DENND1A: variants seen among roughly 807,000 people sequenced by gnomAD.
DENND1A encodes DENN domain containing 1A.
Under a neutral mutation model 113.7 loss-of-function variants are expected in DENND1A, and 51 were observed. The ratio of observed to expected loss-of-function variants is 0.45; its 90% CI spans 0.36 to 0.57. The LOEUF is 0.57. Among genes scored for constraint, DENND1A ranks in the 20% least tolerant of loss-of-function variants. The probability of loss-of-function intolerance (pLI) is 0.00; values close to 1 mark genes in which losing one functional copy is unlikely to be tolerated. For missense variants in DENND1A, 1,258 were observed against 1,395.9 expected (o/e 0.90, Z 1.57); for synonymous variants, 565 against 570.8 (o/e 0.99, Z 0.14).
intron 13 of DENND1A, among the ~76,000 whole-genome samples, chr9:123,512,425 G>A (rs1176642107): frequency 6.6e-6 from 1 of 152,206 alleles, no homozygotes; most frequent in Admixed American, 6.5e-5. Flanking sequence ...AAGCTCCGAG[G>A]CCTCTATAGA....
chr9:123,697,880 G>C (rs751220665), intron 5 of DENND1A, among the ~76,000 whole-genome samples: 1 of 152,120 alleles, frequency 6.6e-6, no homozygotes, highest in Non-Finnish European at 1.5e-5. Context: ...AAAGTGAAAA[G>C]ACATTCTAAA....
intron 13 of DENND1A, among the ~76,000 whole-genome samples, chr9:123,458,152 C>T (rs1324390266): frequency 2.0e-5 from 3 of 151,982 alleles, no homozygotes; most frequent in Non-Finnish European, 4.4e-5. Context: ...AGCTGCCCCC[C>T]ACCACAAGTG....
chr9:123,548,761 T>C (rs2056864311), intron 13 of DENND1A, among the ~76,000 whole-genome samples: 1 of 152,360 alleles, frequency 6.6e-6, no homozygotes, highest in South Asian at 2.1e-4. Flanking sequence ...TGATGCATGC[T>C]ATAACACGGA....
chr9:123,569,077 A>C (rs2058216050), intron 12 of DENND1A, among the ~76,000 whole-genome samples: 1 of 152,244 alleles, frequency 6.6e-6, no homozygotes, highest in African/African-American at 2.4e-5. Context: ...CAAACGAACG[A>C]AAAAGTAGCC....
chr9:123,866,616 TTTTGG>T (rs1346227804), intron 2 of DENND1A, among the ~76,000 whole-genome samples: 28 of 152,224 alleles, frequency 1.8e-4, no homozygotes, highest in Non-Finnish European at 1.8e-4. Context: ...TGTTGTTTGA[TTTTGG>T]TTTGGAGTTT....
intron 2 of DENND1A, among the ~76,000 whole-genome samples, chr9:123,796,577 G>A (rs1833792150): frequency 6.6e-6 from 1 of 151,952 alleles, no homozygotes; most frequent in Admixed American, 6.6e-5. Flanking sequence ...AAGACTTACT[G>A]GAAAGGTGCT....
At chr9:123,429,534 G>T (rs960058716) in intron 19 of DENND1A, among the ~76,000 whole-genome samples, 6 of 152,206 alleles carry the variant, frequency 3.9e-5, no homozygotes, top group African/African-American at 1.4e-4. Flanking sequence ...CAGCCTGGGT[G>T]ACACAGCAAG....
At chr9:123,546,249 G>A (rs1052423964) in intron 13 of DENND1A, among the ~76,000 whole-genome samples, 2 of 151,988 alleles carry the variant, frequency 1.3e-5, no homozygotes, top group Admixed American at 6.6e-5. Flanking sequence ...CAGCTGATAC[G>A]TTTTAAAACT....
At chr9:123,896,541 C>T (rs1850791110) in intron 1 of DENND1A, among the ~76,000 whole-genome samples, 1 of 151,972 alleles carries the variant, frequency 6.6e-6, no homozygotes, top group Non-Finnish European at 1.5e-5. Flanking sequence ...AAATAAGAAC[C>T]TCAGAAATAA....
At chr9:123,917,128 G>A (rs1189791725) in intron 1 of DENND1A, among the ~76,000 whole-genome samples, 1 of 152,032 alleles carries the variant, frequency 6.6e-6, no homozygotes, top group Admixed American at 6.6e-5. Flanking sequence ...AAATTGCAGT[G>A]AGCCGAAATC....
chr9:123,773,286 T>C (rs1161623489), intron 3 of DENND1A, among the ~76,000 whole-genome samples: 1 of 152,134 alleles, frequency 6.6e-6, no homozygotes, highest in Non-Finnish European at 1.5e-5. Context: ...AACCAAAATA[T>C]GAAATTAACA....
chr9:123,481,200 T>C (rs2050307416), intron 13 of DENND1A, among the ~76,000 whole-genome samples: 1 of 152,158 alleles, frequency 6.6e-6, no homozygotes. Context: ...GAAAGTGAGG[T>C]GATTAGAATC....
chr9:123,391,152 G>A (rs914200896), intron 21 of DENND1A, among the ~76,000 whole-genome samples: 3 of 152,246 alleles, frequency 2.0e-5, no homozygotes, highest in African/African-American at 7.2e-5. Context: ...GGGAACCGCA[G>A]TTTCCAGTTC....
intron 2 of DENND1A, among the ~76,000 whole-genome samples, chr9:123,802,720 GAC>G (rs1222778614): frequency 8.2e-6 from 1 of 121,764 alleles, no homozygotes; most frequent in Non-Finnish European, 1.7e-5. Context: ...TTTTTTTTTT[GAC>G]ACAGAGTTTC....
chr9:123,609,948 G>A (rs1371018305), intron 10 of DENND1A, among the ~76,000 whole-genome samples: 1 of 152,226 alleles, frequency 6.6e-6, no homozygotes, highest in African/African-American at 2.4e-5. Flanking sequence ...AGAATATTTT[G>A]TATTTGCTGC....
intron 9 of DENND1A, among the ~76,000 whole-genome samples, chr9:123,641,351 C>T (rs911677375): frequency 6.7e-6 from 1 of 148,868 alleles, no homozygotes; most frequent in Non-Finnish European, 1.5e-5. Context: ...CTAAGGAAGA[C>T]ACAATTTATT....
intron 11 of DENND1A, among the ~76,000 whole-genome samples, chr9:123,586,972 C>T (rs767232743): frequency 2.6e-5 from 4 of 151,914 alleles, no homozygotes; most frequent in African/African-American, 4.8e-5. Context: ...TGGCCAGCAG[C>T]CCGCAATGCA....
chr9:123,427,304 G>C (rs1261599055), intron 19 of DENND1A, among the ~76,000 whole-genome samples: 1 of 152,234 alleles, frequency 6.6e-6, no homozygotes, highest in Non-Finnish European at 1.5e-5. Flanking sequence ...TCACAGATGT[G>C]GCACAGAGTA....
intron 13 of DENND1A, among the ~76,000 whole-genome samples, chr9:123,545,021 C>G (rs1290955465): frequency 6.6e-6 from 1 of 151,928 alleles, no homozygotes; most frequent in Non-Finnish European, 1.5e-5. Flanking sequence ...TGGCGTGAAC[C>G]CGGGAGGTGG....
Sources: allele counts gnomAD v4.1 joint callset (sites outside exome capture counted in the v4.1 genomes callset), GRCh38; gene constraint gnomAD v4.1.1; transcripts MANE v1.5; gene names NCBI Gene and HGNC (gene_info 2026-07-23, HGNC 2026-07-21).